The following SFXN1 variants were observed in gnomAD, a reference collection of about 807,000 sequenced individuals.
SFXN1 encodes sideroflexin 1.
In SFXN1, 32 loss-of-function variants were observed where a neutral mutation model predicts 39.5. The ratio of observed to expected loss-of-function variants is 0.81; its 90% CI spans 0.61 to 1.09. The LOEUF (loss-of-function observed/expected upper bound fraction) is 1.09, where lower values mean the gene tolerates loss of function less well. SFXN1 is among the 50% of genes least tolerant of loss of function. SFXN1 has a pLI of 0.00. For missense variants in SFXN1, 402 were observed against 407.1 expected (o/e 0.99, Z 0.11); for synonymous variants, 136 against 146.5 (o/e 0.93, Z 0.52).
chr5:175,508,222 A>ATTTT (rs67028708), intron 2 of SFXN1, among the ~76,000 whole-genome samples: 8 of 63,908 alleles, frequency 1.3e-4, no homozygotes, highest in Non-Finnish European at 1.7e-4. Context: ...AATAGATTTG[A>ATTTT]TTTTTTTTTT....
intron 2 of SFXN1, among the ~76,000 whole-genome samples, chr5:175,500,337 A>G (rs1760024140): frequency 6.6e-6 from 1 of 151,438 alleles, no homozygotes; most frequent in Non-Finnish European, 1.5e-5. Flanking sequence ...TACCATTTTC[A>G]GTAGCAACAA....
rs1760514234 is a variant in SFXN1 at position 175,511,498 on chromosome 5, C to T, written c.482C>T (p.Thr161Ile). 6.2e-7 allele frequency: 1 copy of T among 1,614,154 alleles called. No individual in the cohort carries two copies. The highest frequency in any genetic ancestry group is 8.5e-7 in the Non-Finnish European group (1 of 1,180,000). The part of the protein sequence containing the change: ...YVSATTGAVA[T>I]ALGLNALTKH... Reference sequence around the variant, plus strand: ...TCTGCAACAACTGGTGCCGTAGCAACAGCTCTAGGACTCAATGCATTGACC... The same window carrying T: ...TCTGCAACAACTGGTGCCGTAGCAATAGCTCTAGGACTCAATGCATTGACC... Residue 161 changes from threonine (T) to isoleucine (I), a missense_variant, in exon 5 of 11, where the codon ACA becomes ATA. Thr to Ile is a moderately conservative substitution (Grantham distance 89). Transcript: ENST00000321442.
At chr5:175,487,679 C>A (rs1460685600) in intron 1 of SFXN1, among the ~76,000 whole-genome samples, 1 of 152,106 alleles carries the variant, frequency 6.6e-6, no homozygotes, top group Non-Finnish European at 1.5e-5. Flanking sequence ...CTCTGTCTGA[C>A]AACTCCCACG....
intron 1 of SFXN1, among the ~76,000 whole-genome samples, chr5:175,479,822 C>T (rs1156684779): frequency 6.6e-6 from 1 of 152,142 alleles, no homozygotes; most frequent in Non-Finnish European, 1.5e-5. Context: ...AGTCCTAGTC[C>T]CTCTTCTGCG....
At chr5:175,485,262 A>T (rs1005503806) in intron 1 of SFXN1, among the ~76,000 whole-genome samples, 5 of 152,220 alleles carry the variant, frequency 3.3e-5, no homozygotes, top group Non-Finnish European at 7.3e-5. Flanking sequence ...TTGCTGTTAT[A>T]ACAAATTACT....
Position 175,496,384 on chromosome 5 carries a change from T to C in SFXN1, c.164+4117T>C, listed in dbSNP as rs186035185. 3.8e-3 allele frequency among the ~76,000 whole-genome samples: 579 copies of C among 150,518 alleles called. 5 individuals are homozygous for C. Among genetic ancestry groups the C allele is most frequent in the African/African-American group, 0.013 (534 of 41,058 alleles). ...TGAGACTCCATCTCAAAAAAAAAAA[T>C]AGTAATAGCTATCTGAATCTAAAGC... On this transcript the variant is annotated intron_variant, in intron 2 of 10. Transcript: ENST00000321442.
chr5:175,484,367 C>G (rs571637146), intron 1 of SFXN1, among the ~76,000 whole-genome samples: 1 of 152,342 alleles, frequency 6.6e-6, no homozygotes, highest in South Asian at 2.1e-4. Context: ...CCCATGACCT[C>G]GTTCCCTCCC....
intron 1 of SFXN1, among the ~76,000 whole-genome samples, chr5:175,484,803 C>G (rs1759388762): frequency 6.6e-6 from 1 of 152,234 alleles, no homozygotes; most frequent in Non-Finnish European, 1.5e-5. Flanking sequence ...TCAAGCAGTC[C>G]TTCCACCTCA....
rs567384168 is a variant in SFXN1 at position 175,513,284 on chromosome 5, A to G, written c.597-179A>G. ...ACCACTACACTCCAGCCTGGGCAACAGAGTGAGACTGTAAAAAAAAAAAAA... is the reference window on the plus strand; with the variant it reads ...ACCACTACACTCCAGCCTGGGCAACGGAGTGAGACTGTAAAAAAAAAAAAA... On this transcript the variant is annotated intron_variant, in intron 6 of 10. Transcript: ENST00000321442. Among the ~76,000 whole-genome samples, 21 of 138,556 alleles carry G rather than the reference A, an allele frequency of 1.5e-4. No homozygotes were observed. In the South Asian group the frequency reaches 5.3e-3, roughly 35 times the overall value. The allele number at this position is 138,556 out of a possible 152,430, so 90.9% of individuals were successfully genotyped here.
intron 7 of SFXN1, among the ~76,000 whole-genome samples, chr5:175,515,632 C>T (rs1274135886): frequency 6.6e-6 from 1 of 152,092 alleles, no homozygotes; most frequent in Non-Finnish European, 1.5e-5. Context: ...AGCTGAGGCT[C>T]AGAGAAGTTA....
chr5:175,492,336 C>A (rs1759689968), intron 2 of SFXN1, 69 bp downstream of exon 2: 2 of 1,319,394 alleles, frequency 1.5e-6, no homozygotes, highest in Non-Finnish European at 1.0e-6. Context: ...TATCTTTAAA[C>A]CTTCACTTAG....
At chr5:175,493,471 AAC>A (rs1759740609) in intron 2 of SFXN1, among the ~76,000 whole-genome samples, 1 of 152,200 alleles carries the variant, frequency 6.6e-6, no homozygotes, top group South Asian at 2.1e-4. Flanking sequence ...ACAGTCAATA[AAC>A]ACTGAGTCTG....
chr5:175,484,318 A>G (rs1561650594), intron 1 of SFXN1: 1 of 152,354 alleles, frequency 6.6e-6, no homozygotes, highest in Non-Finnish European at 1.5e-5. Flanking sequence ...AAGCCAGACC[A>G]TGGAAAAACA....
intron 8 of SFXN1, among the ~76,000 whole-genome samples, 199 bp from the exon 9 acceptor site, chr5:175,521,720 G>C (rs867887433): frequency 6.6e-6 from 1 of 152,192 alleles, no homozygotes; most frequent in East Asian, 1.9e-4. Flanking sequence ...TGATCTTTGC[G>C]TGTGTGCTGA....
At chr5:175,484,572 A>T (rs1444411093) in intron 1 of SFXN1, among the ~76,000 whole-genome samples, 1 of 152,210 alleles carries the variant, frequency 6.6e-6, no homozygotes, top group African/African-American at 2.4e-5. Context: ...CACCCTGGGG[A>T]TCCCCACATA....
chr5:175,509,044 TC>T lies in SFXN1; in HGVS notation c.179del (p.Pro60LeufsTer28). ...IVHDYRQGIVPPGLTENELWR... is the reference protein window; with the variant it reads ...IVHDYRQGIVXPGLTENELWR... ...GTTGTTTTCTTAGGCAAGGAATTGT[TC>T]CTCCTGGTCTTACAGAAAATGAATT... On this transcript the variant is annotated frameshift_variant, in exon 3 of 11. Coordinates refer to ENST00000321442, the MANE Select transcript of SFXN1 (RefSeq NM_022754.7). LOFTEE classifies it high-confidence loss of function. 1 of 1,605,600 alleles carries T rather than the reference TC, an allele frequency of 6.2e-7. No homozygotes were observed. Among genetic ancestry groups the T allele is most frequent in the Non-Finnish European group, 8.5e-7 (1 of 1,176,574 alleles).
At chr5:175,498,423 T>G (rs1187565949) in intron 2 of SFXN1, among the ~76,000 whole-genome samples, 3 of 152,172 alleles carry the variant, frequency 2.0e-5, no homozygotes, top group Non-Finnish European at 2.9e-5. Flanking sequence ...CCTGCTGCGG[T>G]AGGTGGTAGA....
At chr5:175,524,168 A>ATATC (rs1760988889) in intron 10 of SFXN1, 1 of 122,626 alleles carries the variant, frequency 8.2e-6, no homozygotes, top group African/African-American at 2.9e-5. Flanking sequence ...ATATATATAT[A>ATATC]TATCTCCAAT....
In SFXN1 at chr5:175,526,705, C is replaced by A; in HGVS notation, c.940C>A (p.Arg314=). The A allele has an allele frequency of 1.9e-6, 3 of 1,614,130 alleles. No homozygotes were observed. Among genetic ancestry groups the A allele is most frequent in the Non-Finnish European group, 2.5e-6 (3 of 1,179,982 alleles). Residue 314 remains arginine (R), a synonymous_variant, in exon 11 of 11, where the codon CGA becomes AGA. Coordinates refer to ENST00000321442, the MANE Select transcript of SFXN1 (RefSeq NM_022754.7). Reference sequence around the variant, plus strand: ...GATCCAAGAGAGCCATCCTGAATTGCGACGCGTGTACTTCAATAAGGGATT... The same window carrying A: ...GATCCAAGAGAGCCATCCTGAATTGAGACGCGTGTACTTCAATAAGGGATT... The part of the protein sequence containing the change: ...AKIQESHPEL[R]RVYFNKGL
Sources: gnomAD v4.1 joint callset for allele counts (sites outside exome capture counted in the v4.1 genomes callset) on GRCh38, gnomAD v4.1.1 for gene constraint, MANE v1.5 for transcripts, NCBI Gene and HGNC (gene_info 2026-07-23, HGNC 2026-07-21) for gene names.